MICAL3: variants seen among roughly 807,000 people sequenced by gnomAD.
MICAL3 encodes [F-actin]-monooxygenase MICAL3.
Under a neutral mutation model 207.4 loss-of-function variants are expected in MICAL3, and 62 were observed. The observed-to-expected ratio is 0.30, with a 90% CI of 0.24 to 0.37. MICAL3 has a LOEUF of 0.37. Ranked by LOEUF, MICAL3 falls within the 10% of genes least tolerant of loss-of-function variation. MICAL3 has a pLI of 1.00. For missense variants in MICAL3, 2,368 were observed against 2,635.6 expected, an observed-to-expected ratio of 0.90 and a Z score of 2.22; for synonymous variants, 1,077 against 1,069.3, an observed-to-expected ratio of 1.01 and a Z score of -0.14.
Position 17,902,031 on chromosome 22 carries a change from G to A in MICAL3, c.590-52C>T. Reference sequence around the variant, plus strand: ...GGTCACCACCCAGACCACATTCACAGCCAGGACCATCTCTAGATACCCAGT... The same window carrying A: ...GGTCACCACCCAGACCACATTCACAACCAGGACCATCTCTAGATACCCAGT... On this transcript the variant is annotated intron_variant, in intron 4 of 31. Transcript: ENST00000441493. The surrounding 1 kb of genome is among the most constrained non-coding windows in gnomAD (Gnocchi z 4.5). 2 of 1,319,522 alleles carry A rather than the reference G, an allele frequency of 1.5e-6. No individual in the cohort carries two copies. The highest frequency in any genetic ancestry group is 1.8e-5 in the Admixed American group (1 of 54,560). 81.7% of individuals were successfully genotyped at this position (1,319,522 alleles called of 1,614,324 possible).
chr22:17,858,634 T>C (rs1383442865), intron 19 of MICAL3, among the ~76,000 whole-genome samples: 3 of 152,220 alleles, frequency 2.0e-5, no homozygotes, highest in African/African-American at 4.8e-5. Context: ...TCCATGTGTG[T>C]GCCACGGCCT....
intron 1 of MICAL3, among the ~76,000 whole-genome samples, chr22:17,961,927 A>C (rs1110660): frequency 0.2 from 30,436 of 152,178 alleles, 3,201 homozygotes; most frequent in Middle Eastern, 0.27. Flanking sequence ...TCAGCCTTTG[A>C]AAATATCTGT....
chr22:17,990,077 A>T (rs1192291099), intron 1 of MICAL3, among the ~76,000 whole-genome samples: 1 of 151,784 alleles, frequency 6.6e-6, no homozygotes, highest in South Asian at 2.1e-4. Flanking sequence ...ACTTTAATAA[A>T]TAAGTTATTT....
chr22:17,930,931 C>G (rs541327975), intron 1 of MICAL3, among the ~76,000 whole-genome samples: 40 of 152,376 alleles, frequency 2.6e-4, no homozygotes, highest in African/African-American at 9.1e-4. Flanking sequence ...CCACCGGTCA[C>G]TGGGCCGGGG....
At chr22:17,945,351 C>T (rs1465818895) in intron 1 of MICAL3, among the ~76,000 whole-genome samples, 2 of 152,330 alleles carry the variant, frequency 1.3e-5, no homozygotes, top group Admixed American at 6.5e-5. Flanking sequence ...GCACCTTGGG[C>T]GCTGGCCCAG....
In MICAL3 at chr22:17,818,073, A is replaced by C; in HGVS notation, c.4588T>G (p.Tyr1530Asp). 1 of 1,613,040 alleles carries C rather than the reference A, an allele frequency of 6.2e-7. No homozygotes were observed. The highest frequency in any genetic ancestry group is 8.5e-7 in the Non-Finnish European group (1 of 1,179,744). ...CTTGAGTCCTCAGTCTTGTCGTCAT[A>C]GGTGTCCTCCACATCATCAGCAAAG... ...IPFADDVEDTYDDKTEDSSLQ... is the reference protein window; with the variant it reads ...IPFADDVEDTDDDKTEDSSLQ... Residue 1530 changes from tyrosine to aspartate, a missense_variant, in exon 26 of 32, where the codon TAT becomes GAT. By Grantham distance (160) the Tyr-to-Asp change is radical. This residue lies in a region of MICAL3 where 1,770 missense variants were observed against 1,863.2 expected (regional missense o/e 0.95). Coordinates refer to ENST00000441493, the MANE Select transcript of MICAL3 (RefSeq NM_015241.3).
intron 1 of MICAL3, among the ~76,000 whole-genome samples, chr22:17,976,611 A>G (rs1935667241): frequency 1.6e-5 from 1 of 62,772 alleles, no homozygotes; most frequent in Admixed American, 2.3e-4. Flanking sequence ...TTTTTTTGAG[A>G]CAGAGTCTCA....
At position 17,818,564 on chromosome 22, in the gene MICAL3, T is replaced by C. The variant is rs779216648; in HGVS notation, c.4097A>G (p.Tyr1366Cys). The C allele has an allele frequency of 8.1e-6, 13 of 1,613,548 alleles. No individual in the cohort carries two copies. In the East Asian group the frequency reaches 1.6e-4, roughly 19 times the overall value. Residue 1366 changes from tyrosine to cysteine, a missense_variant, in exon 26 of 32, where the codon TAT becomes TGT. Physicochemically the swap from Tyr to Cys is radical, Grantham distance 194 (BLOSUM62 -2). Around this residue, in one of 4 missense-constraint regions of MICAL3, gnomAD observed 1,770 missense variants for 1,863.2 expected, o/e 0.95. Transcript: ENST00000441493. ...PAFRPVSLKS[Y>C]SVEKSPQDEG... ...ATCCTGGGGGGACTTTTCAACGGAATAGGATTTGAGGGACACTGGCCTGAA... is the reference window on the plus strand; with the variant it reads ...ATCCTGGGGGGACTTTTCAACGGAACAGGATTTGAGGGACACTGGCCTGAA...
At chr22:17,882,955 C>T (rs1274206773) in intron 16 of MICAL3, among the ~76,000 whole-genome samples, 1 of 152,214 alleles carries the variant, frequency 6.6e-6, no homozygotes, top group Non-Finnish European at 1.5e-5. Context: ...GAGAGTGCTT[C>T]TGGCGGCCCC....
At position 17,832,083 on chromosome 22, in the gene MICAL3, C is replaced by A; in HGVS notation, c.2826G>T (p.Glu942Asp). Residue 942 changes from glutamate (E) to aspartate (D), a missense_variant, in exon 21 of 32, where the codon GAG becomes GAT. Transcript: ENST00000441493. ...ASSSSESEME[E>D]EGEEEEEEPR... ...GCTCCTCCTCCTCCTCCTCTCCCTCCTCCTCCATCTCAGACTCGGAACTAC... is the reference window on the plus strand; with the variant it reads ...GCTCCTCCTCCTCCTCCTCTCCCTCATCCTCCATCTCAGACTCGGAACTAC... 6.3e-7 allele frequency: 1 copy of A among 1,580,740 alleles called. No individual in the cohort carries two copies. The highest frequency in any genetic ancestry group is 1.2e-5 in the South Asian group (1 of 86,498).
chr22:17,855,560 T>C (rs140972627), intron 19 of MICAL3, among the ~76,000 whole-genome samples: 14 of 152,334 alleles, frequency 9.2e-5, no homozygotes, highest in Non-Finnish European at 1.6e-4. Context: ...TTACTCTTCA[T>C]AACAAAACCT....
At chr22:17,868,531 G>A (rs1927381914) in intron 17 of MICAL3, among the ~76,000 whole-genome samples, 1 of 152,160 alleles carries the variant, frequency 6.6e-6, no homozygotes. Context: ...ATGTGGTCCA[G>A]GATGCTGGTG....
intron 1 of MICAL3, among the ~76,000 whole-genome samples, chr22:18,002,285 G>A (rs952266932): frequency 3.9e-5 from 6 of 152,042 alleles, no homozygotes; most frequent in Admixed American, 1.3e-4. Context: ...TAGTTGGGAA[G>A]CAAAGAGGTT....
At chr22:17,976,196 T>A (rs1046901195) in intron 1 of MICAL3, among the ~76,000 whole-genome samples, 1 of 152,208 alleles carries the variant, frequency 6.6e-6, no homozygotes, top group African/African-American at 2.4e-5. Context: ...GTTGTGGGGA[T>A]CAGGGTAGAA....
intron 1 of MICAL3, among the ~76,000 whole-genome samples, chr22:17,959,415 A>C (rs1232486760): frequency 2.0e-5 from 3 of 148,564 alleles, no homozygotes; most frequent in African/African-American, 7.6e-5. Context: ...CACAGGTTCA[A>C]GCGATTCTCC....
chr22:17,823,132 G>A (rs1024344316), intron 22 of MICAL3, 72 bp from the exon 23 acceptor site: 52 of 1,013,390 alleles, frequency 5.1e-5, no homozygotes, highest in African/African-American at 4.5e-4. Flanking sequence ...TCACGGGGGC[G>A]AGAGGTACTG....
intron 1 of MICAL3, among the ~76,000 whole-genome samples, chr22:17,978,027 A>T (rs1242826684): frequency 6.7e-6 from 1 of 149,786 alleles, no homozygotes; most frequent in Non-Finnish European, 1.5e-5. Context: ...TGTCTCATAA[A>T]AAATAAATAA....
At chr22:17,838,955 CTTTTTTTT>C (rs869097812) in intron 20 of MICAL3, among the ~76,000 whole-genome samples, 27 of 88,436 alleles carry the variant, frequency 3.1e-4, no homozygotes, top group African/African-American at 9.5e-4. Context: ...CCCCTAGATG[CTTTTTTTT>C]TTTTTTTTTT....
Position 17,790,523 on chromosome 22 carries a change from T to G in MICAL3, c.*209A>C. 3.4e-6 allele frequency: 2 copies of G among 584,554 alleles called. No homozygotes were observed. Among genetic ancestry groups the G allele is most frequent in the Non-Finnish European group, 6.1e-6 (2 of 329,538 alleles). 36.2% of individuals were successfully genotyped at this position (584,554 alleles called of 1,614,324 possible). ...GAGTGGGAGGTCCAGGTGGGCCTCCTCCCAGGAGGTGGAGCCGTCTCAGAT... is the reference window on the plus strand; with the variant it reads ...GAGTGGGAGGTCCAGGTGGGCCTCCGCCCAGGAGGTGGAGCCGTCTCAGAT... On this transcript the variant is annotated 3_prime_UTR_variant, in exon 32 of 32. Transcript: ENST00000441493.
Sources: gnomAD v4.1 joint callset for allele counts (sites outside exome capture counted in the v4.1 genomes callset) on GRCh38, gnomAD v4.1.1 for gene constraint, gnomAD v4.1.1 regional missense constraint, Gnocchi (gnomAD v3.1) non-coding constraint, MANE v1.5 for transcripts, NCBI Gene and HGNC (gene_info 2026-07-23, HGNC 2026-07-21) for gene names.